ANK3: variants seen among roughly 807,000 people sequenced by gnomAD.
ANK3 encodes ankyrin-3.
A neutral mutation model predicts 370.9 loss-of-function variants in ANK3; 57 were observed. That is an observed-to-expected ratio of 0.15 (90% CI 0.12 to 0.19). ANK3 has a LOEUF of 0.19. Among genes scored for constraint, ANK3 ranks in the 10% least tolerant of loss-of-function variants. The pLI, the probability that ANK3 is intolerant of heterozygous loss-of-function variation, is 1.00. For missense variants in ANK3, 4,439 were observed against 5,302.1 expected, an observed-to-expected ratio of 0.84 and a Z score of 5.06; for synonymous variants, 1,929 against 1,946.3, an observed-to-expected ratio of 0.99 and a Z score of 0.23.
chr10:60,039,632 T>A (rs1032482224), intron 43 of ANK3, among the ~76,000 whole-genome samples: 7 of 152,198 alleles, frequency 4.6e-5, no homozygotes, highest in African/African-American at 1.7e-4. Context: ...TAAGTTCAAA[T>A]TTTATTCTTT....
chr10:60,176,313 C>T (rs2095949218), intron 18 of ANK3, among the ~76,000 whole-genome samples: 1 of 138,188 alleles, frequency 7.2e-6, no homozygotes, highest in Non-Finnish European at 1.5e-5. Context: ...TGCAGTGAGC[C>T]ATGATCATGC....
In ANK3 at chr10:60,070,893, T is replaced by C. The variant is rs910492095; in HGVS notation, c.9988A>G (p.Lys3330Glu). Reference protein sequence around the residue: ...DESIYQPVPVKKYTFKLKEVD... With the variant: ...DESIYQPVPVEKYTFKLKEVD... ...TCCTTTAATTTGAAGGTATATTTTT[T>C]AACTGGGACTGGCTGATAAATAGAT... The change falls in exon 37 of 44, where the codon AAA (lysine) becomes GAA (glutamate). Residue 3330 changes from lysine to glutamate, a missense_variant. By Grantham distance (56) the Lys-to-Glu change is moderately conservative. Coordinates refer to ENST00000280772, the MANE Select transcript of ANK3 (RefSeq NM_020987.5). This position sits in a 1 kb window ranked among gnomAD's most constrained non-coding sequence, Gnocchi z 5.7. The C allele has an allele frequency of 1.1e-5, 17 of 1,614,028 alleles. No individual in the cohort carries two copies. Among genetic ancestry groups the C allele is most frequent in the Non-Finnish European group, 1.4e-5 (17 of 1,179,998 alleles).
intron 8 of ANK3, among the ~76,000 whole-genome samples, chr10:60,216,633 T>C (rs2096941853): frequency 6.6e-6 from 1 of 152,202 alleles, no homozygotes; most frequent in South Asian, 2.1e-4. Context: ...TCGTGGTAGG[T>C]AAGTTTTTTG....
chr10:60,159,143 T>C (rs543736710), intron 23 of ANK3, among the ~76,000 whole-genome samples: 1 of 152,044 alleles, frequency 6.6e-6, no homozygotes, highest in African/African-American at 2.4e-5. Context: ...AGACATAGAG[T>C]GGCCAAATGG....
At chr10:60,719,685 C>CT (rs1449062917) in intron 1 of ANK3, among the ~76,000 whole-genome samples, 2 of 152,008 alleles carry the variant, frequency 1.3e-5, no homozygotes, top group Admixed American at 1.3e-4. Context: ...GTACTTTGTC[C>CT]TTTTCTTCAC....
In ANK3 at chr10:60,186,347, C is replaced by CTCT. The variant is rs565262395; in HGVS notation, c.2085+367_2085+368insAGA. Among the ~76,000 whole-genome samples, 14 of 133,266 alleles carry CTCT rather than the reference C, an allele frequency of 1.1e-4. No individual in the cohort carries two copies. The East Asian group carries it at 1.7e-3, about 17-fold the overall frequency. The allele number at this position is 133,266 out of a possible 152,430, so 87.4% of individuals were successfully genotyped here. A position where few individuals can be genotyped will look rare whatever the true frequency, so the allele number is the denominator to read the frequency against. On this transcript the variant is annotated intron_variant, in intron 17 of 43. Coordinates refer to ENST00000280772, the MANE Select transcript of ANK3 (RefSeq NM_020987.5). Reference sequence around the variant, plus strand: ...TATTTATTTACCATTATCTTTCTGTCTTTTTTTTTTTTTTTTTTAAAGAGA... The same window carrying CTCT: ...TATTTATTTACCATTATCTTTCTGTCTCTTTTTTTTTTTTTTTTTTTAAAGAGA...
intron 1 of ANK3, among the ~76,000 whole-genome samples, chr10:60,654,552 C>T (rs1252968947): frequency 6.6e-6 from 1 of 152,092 alleles, no homozygotes; most frequent in Non-Finnish European, 1.5e-5. Context: ...TTAAGATGAT[C>T]ATAAACATTT....
At chr10:60,349,043 GGTGA>G (rs377004352) in intron 1 of ANK3, among the ~76,000 whole-genome samples, 6 of 149,720 alleles carry the variant, frequency 4.0e-5, no homozygotes, top group African/African-American at 7.3e-5. Flanking sequence ...CTGCTCCAAG[GGTGA>G]GTAAGTGGTA....
chr10:60,257,877 A>C (rs1215362972), intron 7 of ANK3, among the ~76,000 whole-genome samples: 1 of 152,250 alleles, frequency 6.6e-6, no homozygotes, highest in East Asian at 1.9e-4. Context: ...TAACAGAAGA[A>C]TGCTTTATTC....
Position 60,571,320 on chromosome 10 carries a change from T to C in ANK3, c.96+43866A>G, listed in dbSNP as rs897784074. Among the ~76,000 whole-genome samples, 3 of 152,146 alleles carry C rather than the reference T, an allele frequency of 2.0e-5. No homozygotes were observed. The South Asian group carries it at 6.2e-4, about 32-fold the overall frequency. On this transcript the variant is annotated intron_variant, in intron 2 of 43. Coordinates refer to the ANK3 transcript ENST00000373827. The stretch of plus-strand genomic sequence containing the variant: ...CTCAGAACAGTCTGCTGGTAGTAGG[T>C]CCCTTAAGAACATCATATTCAAATT...
chr10:60,257,235 A>G (rs2097753476), intron 7 of ANK3, among the ~76,000 whole-genome samples: 1 of 152,214 alleles, frequency 6.6e-6, no homozygotes, highest in Non-Finnish European at 1.5e-5. Context: ...TAGGGTTCTG[A>G]ATGTGGTCCA....
At chr10:60,181,821 TTA>T (rs1277528510) in intron 17 of ANK3, among the ~76,000 whole-genome samples, 5 of 151,972 alleles carry the variant, frequency 3.3e-5, no homozygotes, top group African/African-American at 1.2e-4. Flanking sequence ...AAAAAAAAAA[TTA>T]TATGTTATAC....
chr10:60,266,057 A>T (rs756683444), intron 5 of ANK3, among the ~76,000 whole-genome samples: 1 of 152,128 alleles, frequency 6.6e-6, no homozygotes, highest in African/African-American at 2.4e-5. Context: ...TTTACTACCA[A>T]AGACAGCAGG....
At chr10:60,318,209 T>G (rs956856693) in intron 1 of ANK3, among the ~76,000 whole-genome samples, 2 of 152,308 alleles carry the variant, frequency 1.3e-5, no homozygotes, top group Admixed American at 1.3e-4. Context: ...CACCTAGTTA[T>G]TAAGCCTGGC....
chr10:60,405,116 G>T (rs2132913298), intron 2 of ANK3, among the ~76,000 whole-genome samples: 1 of 152,224 alleles, frequency 6.6e-6, no homozygotes, highest in South Asian at 2.1e-4. Flanking sequence ...AAAACATTTG[G>T]CAGTTTCTTA....
intron 1 of ANK3, among the ~76,000 whole-genome samples, chr10:60,321,904 T>C (rs938265995): frequency 6.6e-5 from 10 of 152,214 alleles, no homozygotes; most frequent in South Asian, 4.1e-4. Flanking sequence ...GATAAGTTTC[T>C]GTAAATCTGA....
intron 1 of ANK3, among the ~76,000 whole-genome samples, chr10:60,615,455 C>T (rs2078255772): frequency 6.6e-6 from 1 of 150,682 alleles, no homozygotes; most frequent in East Asian, 1.9e-4. Flanking sequence ...GCAGGGACAC[C>T]AAATCAATAG....
chr10:60,260,437 T>C (rs2097787093), intron 7 of ANK3, among the ~76,000 whole-genome samples: 1 of 152,214 alleles, frequency 6.6e-6, no homozygotes. Context: ...TCTCCCTATC[T>C]AATCTAGTTT....
rs143361789 is a variant in ANK3 at position 60,186,345 on chromosome 10, G to GGC, written c.2085+369_2085+370insGC. ...ATTATTTATTTACCATTATCTTTCT[G>GGC]TCTTTTTTTTTTTTTTTTTTAAAGA... On this transcript the variant is annotated intron_variant, in intron 17 of 43. Coordinates refer to ENST00000280772, the MANE Select transcript of ANK3 (RefSeq NM_020987.5). Among the ~76,000 whole-genome samples, 8 of 117,746 alleles carry GGC rather than the reference G, an allele frequency of 6.8e-5. No individual in the cohort carries two copies. In the East Asian group the frequency reaches 1.7e-3, roughly 25 times the overall value. The allele number at this position is 117,746 out of a possible 152,430, so 77.2% of individuals were successfully genotyped here. A position where few individuals can be genotyped will look rare whatever the true frequency, so the allele number is the denominator to read the frequency against.
Sources: allele counts gnomAD v4.1 joint callset (sites outside exome capture counted in the v4.1 genomes callset), GRCh38; gene constraint gnomAD v4.1.1; non-coding constraint Gnocchi (gnomAD v3.1); transcripts MANE v1.5; gene names NCBI Gene and HGNC (gene_info 2026-07-23, HGNC 2026-07-21).